DLEC1: variants seen among roughly 807,000 people sequenced by gnomAD.
DLEC1 encodes DLEC1 cilia and flagella associated protein, also known as deleted in lung and esophageal cancer protein 1.
DLEC1 carries 146 observed loss-of-function variants against 198.1 expected under a neutral mutation model. The ratio of observed to expected loss-of-function variants is 0.74; its 90% CI spans 0.64 to 0.85. The LOEUF is 0.85. Ranked by LOEUF, DLEC1 falls within the 40% of genes least tolerant of loss-of-function variation. The pLI is 0.00. For synonymous variants in DLEC1, 897 were observed against 866.8 expected, an observed-to-expected ratio of 1.03 and a Z score of -0.61; for missense variants, 2,233 against 2,220.0, an observed-to-expected ratio of 1.01 and a Z score of -0.12.
intron 23 of DLEC1, among the ~76,000 whole-genome samples, chr3:38,111,430 G>A (rs1415716060): frequency 1.3e-5 from 2 of 152,214 alleles, no homozygotes; most frequent in African/African-American, 2.4e-5. Context: ...GGGTTTCTGG[G>A]GAGGTAATCC....
intron 21 of DLEC1, 41 bp downstream of exon 21, chr3:38,108,556 C>A (rs1575217354): frequency 2.0e-6 from 3 of 1,530,012 alleles, no homozygotes; most frequent in Non-Finnish European, 2.7e-6. Flanking sequence ...CGGGAAGGCA[C>A]CCTGCCAACC....
At chr3:38,064,158 G>A (rs980672599) in intron 6 of DLEC1, among the ~76,000 whole-genome samples, 2 of 151,930 alleles carry the variant, frequency 1.3e-5, no homozygotes, top group African/African-American at 4.8e-5. Context: ...GGGCCCTGCC[G>A]CCTTCCGCAG....
At chr3:38,063,767 A>G (rs878860824) in intron 5 of DLEC1, 74 bp from the exon 6 acceptor site, 8 of 1,067,222 alleles carry the variant, frequency 7.5e-6, no homozygotes, top group African/African-American at 6.3e-5. Flanking sequence ...TTTTACATTA[A>G]TCAGTCACTG....
At chr3:38,109,164 T>G (rs565321777) in intron 21 of DLEC1, among the ~76,000 whole-genome samples, 2 of 152,342 alleles carry the variant, frequency 1.3e-5, no homozygotes, top group Non-Finnish European at 2.9e-5. Flanking sequence ...AGTGCGCAGC[T>G]TCTCCAGAGG....
chr3:38,110,910 GTATACACA>G (rs1445750564), intron 23 of DLEC1, among the ~76,000 whole-genome samples: 1 of 151,570 alleles, frequency 6.6e-6, no homozygotes. Context: ...ATACACATAT[GTATACACA>G]TATACACATG....
At chr3:38,097,352 T>C in intron 16 of DLEC1, 77 bp downstream of exon 16, 1 of 1,538,100 alleles carries the variant, frequency 6.5e-7, no homozygotes, top group Non-Finnish European at 8.8e-7. Flanking sequence ...TTAAAGGGGC[T>C]TATGCAGGGC....
Position 38,063,823 on chromosome 3 carries a change from T to A in DLEC1, c.1095-18T>A. Reference sequence around the variant, plus strand: ...ATGAAACTAACAGCCTTTCTCCCCCTCTTTTTTCATCCCACAGTTGTGCTG... The same window carrying A: ...ATGAAACTAACAGCCTTTCTCCCCCACTTTTTTCATCCCACAGTTGTGCTG... On this transcript the variant is annotated intron_variant, in intron 5 of 36. Coordinates refer to ENST00000308059, the MANE Select transcript of DLEC1 (RefSeq NM_007335.4). 1 of 1,605,856 alleles carries A rather than the reference T, an allele frequency of 6.2e-7. No individual in the cohort carries two copies. Among genetic ancestry groups the A allele is most frequent in the Non-Finnish European group, 8.5e-7 (1 of 1,173,276 alleles).
chr3:38,077,967 A>C (rs1374668277), intron 6 of DLEC1, among the ~76,000 whole-genome samples: 1 of 152,192 alleles, frequency 6.6e-6, no homozygotes, highest in African/African-American at 2.4e-5. Context: ...AGTGGCTTGT[A>C]CTATAGCATA....
chr3:38,089,682 G>A (rs891667239), intron 10 of DLEC1, among the ~76,000 whole-genome samples: 4 of 152,106 alleles, frequency 2.6e-5, no homozygotes, highest in Admixed American at 6.5e-5. Context: ...CTCTGCCCTG[G>A]ACATCCCCCT....
rs1241906848 is a variant in DLEC1, at chr3:38,097,894, C to T, written c.2716C>T (p.Pro906Ser). The T allele has an allele frequency of 6.2e-7, 1 of 1,614,206 alleles. No homozygotes were observed. The highest frequency in any genetic ancestry group is 1.7e-5 in the Admixed American group (1 of 60,024). ...GAGCCCAGTCTCCCTCCAGGAAAGG[C>T]CTGAGGATGTAAGTCAGGCACTGCT... ...KESPVSLQERPEDVSPFDIEP... is the reference protein window; with the variant it reads ...KESPVSLQERSEDVSPFDIEP... Residue 906 changes from proline to serine, a missense_variant, in exon 18 of 37, where the codon CCT becomes TCT. Coordinates refer to ENST00000308059, the MANE Select transcript of DLEC1 (RefSeq NM_007335.4).
At chr3:38,052,258 T>C in intron 2 of DLEC1, 1 of 479,246 alleles carries the variant, frequency 2.1e-6, no homozygotes, top group South Asian at 1.8e-5. Context: ...AGACTCCCTG[T>C]TGGTGAAGGT....
At chr3:38,050,864 A>T (rs1405564674) in intron 2 of DLEC1, among the ~76,000 whole-genome samples, 1 of 152,072 alleles carries the variant, frequency 6.6e-6, no homozygotes, top group Non-Finnish European at 1.5e-5. Flanking sequence ...GGGGGAATGC[A>T]TGTCTTCACT....
intron 10 of DLEC1, among the ~76,000 whole-genome samples, chr3:38,088,793 T>C (rs114667059): frequency 0.018 from 2,711 of 152,192 alleles, 88 homozygotes; most frequent in African/African-American, 0.062. Context: ...TCCTGCTTCA[T>C]CCTCAGTTTG....
Position 38,093,723 on chromosome 3 carries a change from C to T in DLEC1, c.1875C>T (p.Asn625=). 6.2e-7 allele frequency: 1 copy of T among 1,614,242 alleles called. No homozygotes were observed. The highest frequency in any genetic ancestry group is 8.5e-7 in the Non-Finnish European group (1 of 1,180,040). The change falls in exon 12 of 37, where the codon AAC becomes AAT. Residue 625 remains asparagine, a synonymous_variant. Coordinates refer to ENST00000308059, the MANE Select transcript of DLEC1 (RefSeq NM_007335.4). ...AQHFIRFEPE[N]LRSTARKQLI... is the part of the protein sequence containing the mutation. ...ACTTCATACGATTTGAGCCTGAAAA[C>T]CTTCGGTCCACGGCTAGGAAGCAGC...
chr3:38,045,618 G>A lies in DLEC1; in HGVS notation c.487G>A (p.Ala163Thr). The A allele has an allele frequency of 1.9e-6, 3 of 1,614,136 alleles. No individual in the cohort carries two copies. Reference protein sequence around the residue: ...ERHITQAQARAIAENERVMSQ... With the variant: ...ERHITQAQARTIAENERVMSQ... ...ACATATCACTCAGGCCCAAGCACGG[G>A]CTATTGCGGAAAATGAGCGGGTCAT... The change falls in exon 2 of 37, where the codon GCT becomes ACT. Residue 163 changes from alanine to threonine, a missense_variant. Transcript: ENST00000308059.
chr3:38,093,545 C>G, intron 11 of DLEC1, 60 bp from the exon 12 acceptor site: 1 of 1,603,962 alleles, frequency 6.2e-7, no homozygotes, highest in Non-Finnish European at 8.5e-7. Flanking sequence ...CCTGCAGCAG[C>G]CTTGGCCTGA....
At chr3:38,061,777 C>G (rs1217847902) in intron 3 of DLEC1, among the ~76,000 whole-genome samples, 1 of 152,090 alleles carries the variant, frequency 6.6e-6, no homozygotes, top group African/African-American at 2.4e-5. Context: ...AAGTAATTCT[C>G]CCCACTCAGC....
Position 38,062,528 on chromosome 3 carries a change from C to A in DLEC1, c.874-53C>A, listed in dbSNP as rs115509072. On this transcript the variant is annotated intron_variant, in intron 4 of 36. Transcript: ENST00000308059. ...GTCATGCAGTTGGTCAAGATGTCAACAAGCACAATCCCTTTGCCTGTCATT... is the reference window on the plus strand; with the variant it reads ...GTCATGCAGTTGGTCAAGATGTCAAAAAGCACAATCCCTTTGCCTGTCATT... The A allele has an allele frequency of 3.3e-3, 5,351 of 1,603,880 alleles. 167 individuals carry two copies. In the African/African-American group the frequency reaches 0.062, roughly 19 times the overall value.
chr3:38,108,563 A>G, intron 21 of DLEC1, 48 bp downstream of exon 21: 1 of 1,469,190 alleles, frequency 6.8e-7, no homozygotes, highest in Non-Finnish European at 9.5e-7. Flanking sequence ...GCACCCTGCC[A>G]ACCATACGCA....
Sources: gnomAD v4.1 joint callset for allele counts (sites outside exome capture counted in the v4.1 genomes callset) on GRCh38, gnomAD v4.1.1 for gene constraint, MANE v1.5 for transcripts, NCBI Gene and HGNC (gene_info 2026-07-23, HGNC 2026-07-21) for gene names.